RARRES1: variants seen among roughly 807,000 people sequenced by gnomAD.
RARRES1 encodes the protein retinoic acid receptor responder 1.
RARRES1 carries 34 observed loss-of-function variants against 30.6 expected under a neutral mutation model. That is an observed-to-expected ratio of 1.11 (90% CI 0.84 to 1.48). RARRES1 has a LOEUF of 1.48. Ranked by LOEUF, RARRES1 falls within the 40% of genes most tolerant of loss-of-function variation. RARRES1 has a pLI of 0.00. For synonymous variants in RARRES1, 153 were observed against 155.5 expected, an observed-to-expected ratio of 0.98 and a Z score of 0.12; for missense variants, 373 against 386.5, an observed-to-expected ratio of 0.97 and a Z score of 0.29.
At chr3:158,706,297 G>A (rs1726921176) in intron 3 of RARRES1, among the ~76,000 whole-genome samples, 1 of 152,156 alleles carries the variant, frequency 6.6e-6, no homozygotes. Context: ...AGCAGGGAAG[G>A]GACAGGTTTC....
At position 158,698,075 on chromosome 3, in the gene RARRES1, CT is replaced by C. The variant is rs1726606023; in HGVS notation, c.673-106del. The C allele has an allele frequency of 7.7e-6, 6 of 779,276 alleles. No homozygotes were observed. In the Admixed American group the frequency reaches 1.3e-4, roughly 16 times the overall value. 48.3% of individuals were successfully genotyped at this position (779,276 alleles called of 1,614,324 possible). A position where few individuals can be genotyped will look rare whatever the true frequency, so the allele number is the denominator to read the frequency against. On this transcript the variant is annotated intron_variant, in intron 4 of 5. Coordinates refer to ENST00000237696, the MANE Select transcript of RARRES1 (RefSeq NM_206963.2). ...ATGGGTGCCTTGTGTCTCCTACTGCCTTTTCGATTTCAGCCTCACGGTTTTT... is the reference window on the plus strand; with the variant it reads ...ATGGGTGCCTTGTGTCTCCTACTGCCTTTCGATTTCAGCCTCACGGTTTTT...
At chr3:158,698,028 A>C in intron 4 of RARRES1, 58 bp from the exon 5 acceptor site, 1 of 1,206,662 alleles carries the variant, frequency 8.3e-7, no homozygotes, top group South Asian at 1.4e-5. Context: ...TGTAATAACT[A>C]TACAATACAT....
At position 158,732,426 on chromosome 3, in the gene RARRES1, A is replaced by G. The variant is rs1232643305; in HGVS notation, c.-11T>C. The G allele has an allele frequency of 5.9e-6, 9 of 1,516,150 alleles. No homozygotes were observed. In the African/African-American group the frequency reaches 1.3e-4, roughly 22 times the overall value. 93.9% of individuals were successfully genotyped at this position (1,516,150 alleles called of 1,614,324 possible). A position where few individuals can be genotyped will look rare whatever the true frequency, so the allele number is the denominator to read the frequency against. On this transcript the variant is annotated 5_prime_UTR_variant, in exon 1 of 6. Coordinates refer to ENST00000237696, the MANE Select transcript of RARRES1 (RefSeq NM_206963.2). ...CCGGCGGGGCTGCATGGACGCAGGA[A>G]AGTTGGCTCGGCACCCGACAGACAC...
At chr3:158,705,612 A>AT (rs1726893331) in intron 3 of RARRES1, 1 of 152,160 alleles carries the variant, frequency 6.6e-6, no homozygotes, top group African/African-American at 2.4e-5. Flanking sequence ...GCCAAGAAGC[A>AT]TTTTTAATTA....
intron 2 of RARRES1, among the ~76,000 whole-genome samples, chr3:158,712,376 A>C (rs1457970278): frequency 6.6e-6 from 1 of 152,150 alleles, no homozygotes; most frequent in African/African-American, 2.4e-5. Context: ...GGAGAGCAAG[A>C]CCCTGCCTCA....
chr3:158,726,599 AT>A (rs1727696853), intron 1 of RARRES1, among the ~76,000 whole-genome samples: 1 of 152,262 alleles, frequency 6.6e-6, no homozygotes, highest in Non-Finnish European at 1.5e-5. Flanking sequence ...CAAAGATGTC[AT>A]GTCCATGAAG....
In RARRES1 at chr3:158,732,347, C is replaced by T; in HGVS notation, c.69G>A (p.Pro23=). Reference sequence around the variant, plus strand: ...CGAGCAACAGCAGCAGCGCGAGCAGCGGGGCGGTGGGGCGCGGGCCCCTGG... The same window carrying T: ...CGAGCAACAGCAGCAGCGCGAGCAGTGGGGCGGTGGGGCGCGGGCCCCTGG... ...SGPRGPRPTA[P]LLALLLLLAP... Residue 23 remains proline, a synonymous_variant, in exon 1 of 6, where the codon CCG becomes CCA. Transcript: ENST00000237696. 1 of 1,423,362 alleles carries T rather than the reference C, an allele frequency of 7.0e-7. No homozygotes were observed. Among genetic ancestry groups the T allele is most frequent in the Non-Finnish European group, 9.1e-7 (1 of 1,096,464 alleles). 88.2% of individuals were successfully genotyped at this position (1,423,362 alleles called of 1,614,324 possible). A position where few individuals can be genotyped will look rare whatever the true frequency, so the allele number is the denominator to read the frequency against.
At chr3:158,706,212 C>T (rs1023796280) in intron 3 of RARRES1, among the ~76,000 whole-genome samples, 2 of 152,162 alleles carry the variant, frequency 1.3e-5, no homozygotes, top group Non-Finnish European at 2.9e-5. Flanking sequence ...TGGGTCCCCA[C>T]CCTCCACATG....
chr3:158,700,395 C>T (rs555057164), intron 4 of RARRES1, among the ~76,000 whole-genome samples: 95 of 152,178 alleles, frequency 6.2e-4, no homozygotes, highest in African/African-American at 2.2e-3. Flanking sequence ...CCCCATTTGA[C>T]AGACTATTTT....
At chr3:158,705,196 C>T (rs188034897) in intron 3 of RARRES1, among the ~76,000 whole-genome samples, 176 of 152,224 alleles carry the variant, frequency 1.2e-3, no homozygotes, top group African/African-American at 4.1e-3. Flanking sequence ...ATGAAGCCTA[C>T]GTTGTATCAA....
chr3:158,713,950 C>T, intron 1 of RARRES1, 91 bp from the exon 2 acceptor site: 1 of 1,143,472 alleles, frequency 8.7e-7, no homozygotes, highest in Non-Finnish European at 1.3e-6. Context: ...ACATGGCATG[C>T]AAATGGTGGC....
At chr3:158,728,475 A>C (rs1037922415) in intron 1 of RARRES1, among the ~76,000 whole-genome samples, 8 of 151,686 alleles carry the variant, frequency 5.3e-5, no homozygotes, top group Admixed American at 1.3e-4. Flanking sequence ...GTAGAGTGCA[A>C]ACCTGAGTTT....
Position 158,697,442 on chromosome 3 carries a change from C to A in RARRES1, c.*236G>T. 1 of 376,490 alleles carries A rather than the reference C, an allele frequency of 2.7e-6. No homozygotes were observed. The highest frequency in any genetic ancestry group is 7.7e-5 in the South Asian group (1 of 13,024). The allele number at this position is 376,490 out of a possible 1,614,324, so 23.3% of individuals were successfully genotyped here. ...ATTTTAGGGCTGAAACCCTGAGGAA[C>A]CTGCTGGTGACTGTTTAGCACTGAG... On this transcript the variant is annotated 3_prime_UTR_variant, in exon 6 of 6. Transcript: ENST00000237696.
chr3:158,711,057 T>A lies in RARRES1; in HGVS notation c.340-124A>T, dbSNP rs574327282. 8 of 860,626 alleles carry A rather than the reference T, an allele frequency of 9.3e-6. No individual in the cohort carries two copies. The South Asian group carries it at 1.4e-4, about 15-fold the overall frequency. The allele number at this position is 860,626 out of a possible 1,614,324, so 53.3% of individuals were successfully genotyped here. The stretch of plus-strand genomic sequence containing the variant: ...CTCTGGCATCAATAGATGTAGTGGG[T>A]TTTGGTTTATTGTGGGTTGTGCTCA... On this transcript the variant is annotated intron_variant, in intron 2 of 5. Coordinates refer to ENST00000237696, the MANE Select transcript of RARRES1 (RefSeq NM_206963.2).
intron 4 of RARRES1, among the ~76,000 whole-genome samples, chr3:158,704,356 C>G (rs141074239): frequency 6.6e-6 from 1 of 151,612 alleles, no homozygotes. Context: ...CTCTGCGTCC[C>G]GAGTACCTGG....
chr3:158,710,777 T>G lies in RARRES1; in HGVS notation c.496A>C (p.Lys166Gln), dbSNP rs757374834. Residue 166 changes from lysine (K) to glutamine (Q), a missense_variant, in exon 3 of 6, where the codon AAG becomes CAG. Lys to Gln is a moderately conservative substitution (Grantham distance 53). Coordinates refer to ENST00000237696, the MANE Select transcript of RARRES1 (RefSeq NM_206963.2). ...QEDYLLYKQM[K>Q]QLKNPLEIVS... ...ATTTCCAAGGGGTTTTTCAGTTGCT[T>G]CATTTGCTTGTAAAGCAGGTAATCC... The G allele has an allele frequency of 1.1e-5, 17 of 1,613,544 alleles. No homozygotes were observed. In the African/African-American group the frequency reaches 2.1e-4, roughly 20 times the overall value.
At chr3:158,703,670 C>G (rs536935458) in intron 4 of RARRES1, among the ~76,000 whole-genome samples, 3 of 152,160 alleles carry the variant, frequency 2.0e-5, no homozygotes, top group African/African-American at 4.8e-5. Context: ...AGTTCTCAGT[C>G]CTCATCTTAC....
chr3:158,705,039 C>A lies in RARRES1; in HGVS notation c.536-112G>T, dbSNP rs990809029. The A allele has an allele frequency of 9.6e-6, 13 of 1,361,204 alleles. No individual in the cohort carries two copies. The African/African-American group carries it at 1.9e-4, about 20-fold the overall frequency. The allele number at this position is 1,361,204 out of a possible 1,614,324, so 84.3% of individuals were successfully genotyped here. ...TTAGTCATACCAGTCATCTCTCTCACAGCAAGACCTTGAGCCATATATGTG... is the reference window on the plus strand; with the variant it reads ...TTAGTCATACCAGTCATCTCTCTCAAAGCAAGACCTTGAGCCATATATGTG... On this transcript the variant is annotated intron_variant, in intron 3 of 5. Transcript: ENST00000237696.
At chr3:158,718,180 A>G (rs1388134257) in intron 1 of RARRES1, among the ~76,000 whole-genome samples, 5 of 151,998 alleles carry the variant, frequency 3.3e-5, no homozygotes, top group Non-Finnish European at 7.4e-5. Flanking sequence ...GAGTTTCACC[A>G]TGTTAGCCAG....
Sources: allele counts gnomAD v4.1 joint callset (sites outside exome capture counted in the v4.1 genomes callset), GRCh38; gene constraint gnomAD v4.1.1; transcripts MANE v1.5; gene names NCBI Gene and HGNC (gene_info 2026-07-23, HGNC 2026-07-21).